CCDC171: variants seen among roughly 807,000 people sequenced by gnomAD.
CCDC171 encodes the protein coiled-coil domain-containing protein 171.
A neutral mutation model predicts 168.2 loss-of-function variants in CCDC171; 177 were observed. That is an observed-to-expected ratio of 1.05 (90% CI 0.93 to 1.19). CCDC171 has a LOEUF of 1.19. Ranked by LOEUF, CCDC171 falls within the 50% of genes most tolerant of loss-of-function variation. The pLI, the probability that CCDC171 is intolerant of heterozygous loss-of-function variation, is 0.00. For synonymous variants in CCDC171, 687 were observed against 540.8 expected, an observed-to-expected ratio of 1.27 and a Z score of -3.75; for missense variants, 1,991 against 1,539.0, an observed-to-expected ratio of 1.29 and a Z score of -4.91.
At chr9:15,832,817 A>G (rs991148436) in intron 21 of CCDC171, among the ~76,000 whole-genome samples, 1 of 152,082 alleles carries the variant, frequency 6.6e-6, no homozygotes, top group Non-Finnish European at 1.5e-5. Context: ...TATTTTCTTT[A>G]TATTCTTATT....
rs1222444576 is a variant in CCDC171, at chr9:15,706,225, C to CTTCT, written c.1318+10891_1318+10892insTTTC. Among the ~76,000 whole-genome samples, 415 of 150,396 alleles carry CTTCT rather than the reference C, an allele frequency of 2.8e-3. 2 individuals are homozygous for CTTCT. Among genetic ancestry groups the CTTCT allele is most frequent in the African/African-American group, 9.8e-3 (397 of 40,716 alleles). On this transcript the variant is annotated intron_variant, in intron 11 of 25. Coordinates refer to ENST00000380701, the MANE Select transcript of CCDC171 (RefSeq NM_173550.4). ...CTTTGAACCCATGTAGTCTTCCTTC[C>CTTCT]TTCCTTCCTTCCTTCCTTGCTTCCT...
In CCDC171 at chr9:15,557,781, A is replaced by G. The variant is rs559928252; in HGVS notation, c.-112+4479A>G. ...CAGAAGTTCCAACACTATGTTGAAT[A>G]GGAGTGGTGAGAGGGGGCATCCCTG... On this transcript the variant is annotated intron_variant, in intron 1 of 25. Transcript: ENST00000380701. 1.4e-4 allele frequency among the ~76,000 whole-genome samples: 22 copies of G among 152,138 alleles called. No homozygotes were observed. In the South Asian group the frequency reaches 3.5e-3, roughly 24 times the overall value.
intron 9 of CCDC171, among the ~76,000 whole-genome samples, chr9:15,669,166 T>G (rs974106002): frequency 3.3e-5 from 5 of 152,172 alleles, no homozygotes; most frequent in Admixed American, 1.3e-4. Context: ...GGTCCATAGT[T>G]TCATAACAGT....
intron 11 of CCDC171, among the ~76,000 whole-genome samples, chr9:15,718,002 ACAGGGTGGTAGAG>A (rs71325931): frequency 0.16 from 24,146 of 152,138 alleles, 2,458 homozygotes; most frequent in Non-Finnish European, 0.24. Context: ...TAGCTTGGCC[ACAGGGTGGTAGAG>A]CACCAAGTGG....
At chr9:15,662,940 C>T (rs1393932533) in intron 8 of CCDC171, among the ~76,000 whole-genome samples, 3 of 152,130 alleles carry the variant, frequency 2.0e-5, no homozygotes, top group South Asian at 2.1e-4. Context: ...GAGATTGCAC[C>T]ACTACACTCC....
intron 21 of CCDC171, among the ~76,000 whole-genome samples, chr9:15,786,810 T>A (rs2057983284): frequency 6.6e-6 from 1 of 152,134 alleles, no homozygotes; most frequent in African/African-American, 2.4e-5. Context: ...GACATTCTTC[T>A]CCAGGACAAT....
intron 7 of CCDC171, among the ~76,000 whole-genome samples, chr9:15,645,018 C>T (rs894404227): frequency 1.9e-4 from 29 of 152,318 alleles, no homozygotes; most frequent in African/African-American, 5.1e-4. Flanking sequence ...ATGCCTCACA[C>T]GGCTGGGTAC....
chr9:15,811,227 A>G (rs148264020), intron 21 of CCDC171, among the ~76,000 whole-genome samples: 87 of 152,334 alleles, frequency 5.7e-4, no homozygotes, highest in African/African-American at 2.1e-3. Context: ...ATATTGAGCT[A>G]ATGGAACTTG....
In CCDC171 at chr9:15,726,000, C is replaced by T. The variant is rs181525549; in HGVS notation, c.1692+1024C>T. On this transcript the variant is annotated intron_variant, in intron 14 of 25. Transcript: ENST00000380701. ...GAATTATCTTCTAGTTCTTTTTACC[C>T]TATGGGTTATAGAGCTAGTCTAGCT... Among the ~76,000 whole-genome samples the T allele has an allele frequency of 1.7e-4, 26 of 152,240 alleles. No homozygotes were observed. The East Asian group carries it at 4.4e-3, about 26-fold the overall frequency.
chr9:15,902,640 C>G (rs1183302), intron 24 of CCDC171, among the ~76,000 whole-genome samples: 45,901 of 152,026 alleles, frequency 0.3, 7,135 homozygotes, highest in African/African-American at 0.35. Context: ...GCATTTCCAA[C>G]TGAGGTACCG....
intron 11 of CCDC171, among the ~76,000 whole-genome samples, chr9:15,704,415 C>A (rs972619963): frequency 6.6e-6 from 1 of 152,046 alleles, no homozygotes; most frequent in South Asian, 2.1e-4. Flanking sequence ...TTCCAGAGAT[C>A]TTCTCTTTTT....
Position 15,779,054 on chromosome 9 carries a change from A to G in CCDC171, c.2985A>G (p.Leu995=). 1 of 1,605,986 alleles carries G rather than the reference A, an allele frequency of 6.2e-7. No individual in the cohort carries two copies. The highest frequency in any genetic ancestry group is 1.3e-5 in the African/African-American group (1 of 74,842). ...AAGTGGAGCGCCGCTCACTACGCTT[A>G]GAGGTCACAGAATTCAAACGAAGTG... ...AAEVERRSLR[L]EVTEFKRSVN... Residue 995 remains leucine (L), a synonymous_variant, in exon 20 of 26, where the codon TTA becomes TTG. Transcript: ENST00000380701.
chr9:15,964,002 G>T (rs1289629030), intron 25 of CCDC171, among the ~76,000 whole-genome samples: 4 of 152,140 alleles, frequency 2.6e-5, no homozygotes, highest in African/African-American at 7.2e-5. Context: ...CTTTCTTCTC[G>T]CTAGAATGCA....
At position 16,043,275 on chromosome 9, in the gene CCDC171, T is replaced by G. The variant is rs1181125579; in HGVS notation, n.89+389T>G. Among the ~76,000 whole-genome samples, 6 of 152,364 alleles carry G rather than the reference T, an allele frequency of 3.9e-5. No homozygotes were observed. In the East Asian group the frequency reaches 1.2e-3, roughly 29 times the overall value. On this transcript the variant is annotated intron_variant and non_coding_transcript_variant, in intron 1 of 1. Transcript: ENST00000478913. ...TCTGGAGAGTAAAATTTTTATTATA[T>G]ATTTTTGTGTGTTAATGCCATTAGT...
rs114453932 is a variant in CCDC171 at position 15,834,248 on chromosome 9, G to C, written c.3268-12454G>C. Among the ~76,000 whole-genome samples, 1,201 of 152,178 alleles carry C rather than the reference G, an allele frequency of 7.9e-3. 12 individuals carry two copies. Among genetic ancestry groups the C allele is most frequent in the African/African-American group, 0.028 (1,144 of 41,538 alleles). On this transcript the variant is annotated intron_variant, in intron 21 of 25. Coordinates refer to ENST00000380701, the MANE Select transcript of CCDC171 (RefSeq NM_173550.4). ...TAACCAACCTTAGAATATTACATTT[G>C]TAGTGGAATGAGGATAAATTTAAAT...
At chr9:15,918,419 T>G (rs1465759095) in intron 24 of CCDC171, among the ~76,000 whole-genome samples, 2 of 132,522 alleles carry the variant, frequency 1.5e-5, no homozygotes, top group Non-Finnish European at 3.3e-5. Flanking sequence ...TGAATCAAAG[T>G]AAGACTCAGA....
intron 6 of CCDC171, among the ~76,000 whole-genome samples, chr9:16,035,067 T>C (rs1833437910): frequency 6.6e-6 from 1 of 152,208 alleles, no homozygotes; most frequent in Admixed American, 6.5e-5. Context: ...GAATAAATTA[T>C]ATACTGAGAA....
intron 3 of CCDC171, among the ~76,000 whole-genome samples, chr9:15,989,797 C>A (rs1242111854): frequency 2.0e-5 from 3 of 152,082 alleles, no homozygotes; most frequent in East Asian, 3.8e-4. Flanking sequence ...GCTTCAGTAG[C>A]TGATTCTGTC....
At chr9:15,686,077 AT>A (rs2050375068) in intron 10 of CCDC171, among the ~76,000 whole-genome samples, 1 of 152,132 alleles carries the variant, frequency 6.6e-6, no homozygotes, top group East Asian at 1.9e-4. Flanking sequence ...TTTAGTTAAG[AT>A]TGAGCTCTAT....
Sources: allele counts gnomAD v4.1 joint callset (sites outside exome capture counted in the v4.1 genomes callset), GRCh38; gene constraint gnomAD v4.1.1; transcripts MANE v1.5; gene names NCBI Gene and HGNC (gene_info 2026-07-23, HGNC 2026-07-21).